Variants in SEMA5A observed in about 807,000 individuals in gnomAD.
The protein encoded by SEMA5A is semaphorin 5A.
In SEMA5A, 55 loss-of-function variants were observed where a neutral mutation model predicts 135.5. That is an observed-to-expected ratio of 0.41 (90% CI 0.33 to 0.51). The LOEUF (loss-of-function observed/expected upper bound fraction) is 0.51, where lower values mean the gene tolerates loss of function less well. Among genes scored for constraint, SEMA5A ranks in the 20% least tolerant of loss-of-function variants. The probability of loss-of-function intolerance (pLI) is 0.37; values close to 1 mark genes in which losing one functional copy is unlikely to be tolerated. For missense variants in SEMA5A, 1,290 were observed against 1,419.9 expected (o/e 0.91, Z 1.47); for synonymous variants, 580 against 546.5 (o/e 1.06, Z -0.85).
intron 6 of SEMA5A, among the ~76,000 whole-genome samples, chr5:9,231,459 C>G (rs1341489189): frequency 2.0e-5 from 2 of 99,834 alleles, no homozygotes; most frequent in Non-Finnish European, 2.0e-5. Context: ...GAGCAAGACT[C>G]CATCTCAAAA....
At chr5:9,189,556 G>A (rs1165317222) in intron 11 of SEMA5A, among the ~76,000 whole-genome samples, 4 of 152,130 alleles carry the variant, frequency 2.6e-5, no homozygotes, top group Non-Finnish European at 1.5e-5. Context: ...CAAAGAATGG[G>A]GAGGGGCAGA....
intron 9 of SEMA5A, among the ~76,000 whole-genome samples, chr5:9,199,303 C>T (rs896437445): frequency 1.3e-5 from 2 of 152,126 alleles, no homozygotes; most frequent in African/African-American, 4.8e-5. Flanking sequence ...CTGTGCCATC[C>T]CCTGGGGAGC....
chr5:9,372,441 C>T (rs1391080993), intron 3 of SEMA5A, among the ~76,000 whole-genome samples: 1 of 152,020 alleles, frequency 6.6e-6, no homozygotes, highest in African/African-American at 2.4e-5. Flanking sequence ...AACCATGGGA[C>T]ACACATGGAG....
chr5:9,197,312 G>A lies in SEMA5A; in HGVS notation c.933-9C>T, dbSNP rs373422555. ...AGGCCGCAATGCTGTTCCTGGGAGC[G>A]GAGGGAGAGAGAGAAGGCAGTCAGA... On this transcript the variant is annotated splice_polypyrimidine_tract_variant and intron_variant, in intron 9 of 22. Transcript: ENST00000382496. 1.5e-4 allele frequency: 236 copies of A among 1,590,306 alleles called. No homozygotes were observed. The highest frequency in any genetic ancestry group is 1.9e-4 in the Non-Finnish European group (217 of 1,171,212).
intron 12 of SEMA5A, among the ~76,000 whole-genome samples, chr5:9,149,413 G>A (rs1253766324): frequency 6.6e-6 from 1 of 152,210 alleles, no homozygotes; most frequent in East Asian, 1.9e-4. Flanking sequence ...GGAGGCTGAG[G>A]TGGGTGGATC....
chr5:9,056,186 T>C (rs1194111563), intron 18 of SEMA5A, among the ~76,000 whole-genome samples: 1 of 152,178 alleles, frequency 6.6e-6, no homozygotes, highest in South Asian at 2.1e-4. Flanking sequence ...TATGGAATGA[T>C]AAACCTGCAG....
At chr5:9,479,497 C>G (rs150912885) in intron 1 of SEMA5A, among the ~76,000 whole-genome samples, 2 of 152,172 alleles carry the variant, frequency 1.3e-5, no homozygotes, top group Non-Finnish European at 2.9e-5. Flanking sequence ...TATAAGTGTT[C>G]CATCTGGAGT....
chr5:9,353,211 GAAAGGAAAGGAAAGGA>G (rs1754255422), intron 3 of SEMA5A, among the ~76,000 whole-genome samples: 1 of 133,114 alleles, frequency 7.5e-6, no homozygotes, highest in African/African-American at 3.0e-5. Context: ...GAAAGGAAAG[GAAAGGAAAGGAAAGGA>G]AAGGAAAGGA....
intron 1 of SEMA5A, among the ~76,000 whole-genome samples, chr5:9,439,986 A>G (rs1433838511): frequency 6.6e-6 from 1 of 152,258 alleles, no homozygotes; most frequent in Non-Finnish European, 1.5e-5. Context: ...AAGATATTTT[A>G]ACAGCCTGGG....
intron 5 of SEMA5A, among the ~76,000 whole-genome samples, chr5:9,258,066 T>A (rs10037453): frequency 9.9e-4 from 151 of 152,218 alleles, no homozygotes; most frequent in African/African-American, 3.5e-3. Context: ...GACTGAATAC[T>A]GAAAAGTCGC....
At chr5:9,254,650 T>C (rs1424106398) in intron 5 of SEMA5A, among the ~76,000 whole-genome samples, 1 of 152,092 alleles carries the variant, frequency 6.6e-6, no homozygotes, top group Non-Finnish European at 1.5e-5. Flanking sequence ...TTAAGAGTTT[T>C]AAGCAGTAAG....
Position 9,063,025 on chromosome 5 carries a change from A to T in SEMA5A, c.2380T>A (p.Ser794Thr), listed in dbSNP as rs2150066774. The T allele has an allele frequency of 6.2e-7, 1 of 1,614,216 alleles. No individual in the cohort carries two copies. Among genetic ancestry groups the T allele is most frequent in the African/African-American group, 1.3e-5 (1 of 75,066 alleles). The part of the protein sequence containing the change: ...NGAWSAWTSW[S>T]QCSRDCSRGI... ...CTGCTGCAGTCACGGCTGCACTGTG[A>T]CCACGACGTCCAGGCTGACCAAGCC... The change falls in exon 18 of 23, where the codon TCA (serine) becomes ACA (threonine). Residue 794 changes from serine to threonine, a missense_variant. This residue lies in a region of SEMA5A where 1,029 missense variants were observed against 1,086.6 expected (regional missense o/e 0.95). Transcript: ENST00000382496.
At chr5:9,051,500 T>A (rs761868734) in intron 20 of SEMA5A, among the ~76,000 whole-genome samples, 10 of 152,216 alleles carry the variant, frequency 6.6e-5, no homozygotes, top group South Asian at 6.2e-4. Context: ...TGGTGCTTTT[T>A]CTCTGTGTGC....
intron 5 of SEMA5A, among the ~76,000 whole-genome samples, chr5:9,266,719 C>A (rs1421929765): frequency 6.6e-6 from 1 of 152,192 alleles, no homozygotes; most frequent in Non-Finnish European, 1.5e-5. Context: ...ATAAAGGTAA[C>A]TTGTCCAGCT....
intron 1 of SEMA5A, among the ~76,000 whole-genome samples, chr5:9,445,364 G>A (rs1010332153): frequency 6.0e-5 from 9 of 150,766 alleles, no homozygotes; most frequent in African/African-American, 1.2e-4. Flanking sequence ...AATATCTCTC[G>A]TGCCATTAAA....
intron 11 of SEMA5A, among the ~76,000 whole-genome samples, chr5:9,159,067 T>A (rs1743109194): frequency 1.3e-5 from 2 of 152,204 alleles, no homozygotes; most frequent in South Asian, 4.1e-4. Flanking sequence ...TTGCTATATA[T>A]GGCAGCCCTA....
At chr5:9,402,258 C>T (rs1197142336) in intron 2 of SEMA5A, among the ~76,000 whole-genome samples, 1 of 152,226 alleles carries the variant, frequency 6.6e-6, no homozygotes, top group Non-Finnish European at 1.5e-5. Flanking sequence ...TCTGCTCTTT[C>T]ATCACCTCTC....
At chr5:9,182,720 C>A (rs1361696966) in intron 11 of SEMA5A, among the ~76,000 whole-genome samples, 1 of 150,922 alleles carries the variant, frequency 6.6e-6, no homozygotes, top group Non-Finnish European at 1.5e-5. Flanking sequence ...ATCTAGAATG[C>A]CTGCTTATTT....
intron 16 of SEMA5A, among the ~76,000 whole-genome samples, chr5:9,078,715 T>C (rs1215473547): frequency 6.6e-6 from 1 of 152,154 alleles, no homozygotes; most frequent in Non-Finnish European, 1.5e-5. Flanking sequence ...AACATACTTG[T>C]ATAGGACCAA....
Sources: gnomAD v4.1 joint callset for allele counts (sites outside exome capture counted in the v4.1 genomes callset) on GRCh38, gnomAD v4.1.1 for gene constraint, gnomAD v4.1.1 regional missense constraint, MANE v1.5 for transcripts, NCBI Gene and HGNC (gene_info 2026-07-23, HGNC 2026-07-21) for gene names.